Variants in UGT2A2 observed in about 807,000 individuals in gnomAD.
The protein encoded by UGT2A2 is UDP-glucuronosyltransferase 2A2.
Under a neutral mutation model 50.7 loss-of-function variants are expected in UGT2A2, and 60 were observed. That is an observed-to-expected ratio of 1.18 (90% CI 0.96 to 1.47). The LOEUF is 1.47. Ranked by LOEUF, UGT2A2 falls within the 40% of genes most tolerant of loss-of-function variation. UGT2A2 has a pLI of 0.00. For missense variants in UGT2A2, 762 were observed against 634.0 expected, an observed-to-expected ratio of 1.20 and a Z score of -2.17; for synonymous variants, 242 against 214.6, an observed-to-expected ratio of 1.13 and a Z score of -1.11.
intron 1 of UGT2A2, among the ~76,000 whole-genome samples, chr4:69,625,183 GATGAAGTATTTTT>G (rs1346075653): frequency 1.3e-5 from 2 of 150,470 alleles, no homozygotes; most frequent in East Asian, 3.9e-4. Flanking sequence ...TTCTTTGCTA[GATGAAGTATTTTT>G]TAATTTTCCT....
chr4:69,606,103 T>C (rs1047407077), intron 1 of UGT2A2, among the ~76,000 whole-genome samples: 1 of 123,154 alleles, frequency 8.1e-6, no homozygotes, highest in Admixed American at 7.8e-5. Context: ...TATCAAAGCC[T>C]GGCAGAGACA....
chr4:69,614,129 T>C (rs1720232600), intron 1 of UGT2A2, among the ~76,000 whole-genome samples: 1 of 152,024 alleles, frequency 6.6e-6, no homozygotes, highest in Non-Finnish European at 1.5e-5. Context: ...ATTCAGTAGT[T>C]CCAGGACACA....
rs1028284292 is a variant in UGT2A2, at chr4:69,589,117, A to G, written c.*255T>C. 2.8e-5 allele frequency: 9 copies of G among 325,960 alleles called. No homozygotes were observed. Among genetic ancestry groups the G allele is most frequent in the Middle Eastern group, 9.5e-4 (1 of 1,058 alleles). 20.2% of individuals were successfully genotyped at this position (325,960 alleles called of 1,614,324 possible). A position where few individuals can be genotyped will look rare whatever the true frequency, so the allele number is the denominator to read the frequency against. On this transcript the variant is annotated 3_prime_UTR_variant, in exon 6 of 6. Transcript: ENST00000604629. Reference sequence around the variant, plus strand: ...AAATTAGGTAGTATCCTTGTGTCAGAAAAGTGACAGGAAGAGGGTATAGTC... The same window carrying G: ...AAATTAGGTAGTATCCTTGTGTCAGGAAAGTGACAGGAAGAGGGTATAGTC...
intron 1 of UGT2A2, among the ~76,000 whole-genome samples, chr4:69,637,320 A>G (rs1721766199): frequency 6.6e-6 from 1 of 152,144 alleles, no homozygotes; most frequent in Non-Finnish European, 1.5e-5. Flanking sequence ...CTCTAGACAA[A>G]TTCTAAGAAA....
intron 1 of UGT2A2, among the ~76,000 whole-genome samples, chr4:69,634,408 G>T (rs1721564869): frequency 6.6e-6 from 1 of 152,044 alleles, no homozygotes; most frequent in East Asian, 1.9e-4. Flanking sequence ...CAGGGTATGA[G>T]AATTAGAGTG....
chr4:69,622,289 A>G (rs1453863434), intron 1 of UGT2A2, among the ~76,000 whole-genome samples: 1 of 151,878 alleles, frequency 6.6e-6, no homozygotes, highest in Non-Finnish European at 1.5e-5. Flanking sequence ...ATAATGTATA[A>G]CACCACAAAG....
chr4:69,625,590 G>T (rs1212930133), intron 1 of UGT2A2, among the ~76,000 whole-genome samples: 1 of 150,826 alleles, frequency 6.6e-6, no homozygotes, highest in Non-Finnish European at 1.5e-5. Context: ...TTCATCTCTG[G>T]TAGTTTAATG....
intron 1 of UGT2A2, among the ~76,000 whole-genome samples, chr4:69,618,757 C>T (rs1720561757): frequency 6.6e-6 from 1 of 151,888 alleles, no homozygotes. Flanking sequence ...CTTAAGTATA[C>T]TCCAATACCT....
At chr4:69,633,229 A>G in intron 1 of UGT2A2, among the ~76,000 whole-genome samples, 1 of 152,184 alleles carries the variant, frequency 6.6e-6, no homozygotes, top group East Asian at 1.9e-4. Context: ...CACTTTATGC[A>G]CTTTTTATCA....
chr4:69,594,007 C>A (rs1423009539), intron 5 of UGT2A2, among the ~76,000 whole-genome samples: 2 of 108,564 alleles, frequency 1.8e-5, no homozygotes, highest in Admixed American at 2.5e-4. Context: ...CTGAGTCTTG[C>A]TCTTTTGCCC....
intron 1 of UGT2A2, among the ~76,000 whole-genome samples, chr4:69,614,526 C>A (rs968809326): frequency 6.6e-6 from 1 of 151,782 alleles, no homozygotes; most frequent in Non-Finnish European, 1.5e-5. Flanking sequence ...CTATTCTGAG[C>A]AAAAAGAACA....
chr4:69,599,427 A>G (rs1271868553), intron 1 of UGT2A2, 33 bp from the exon 2 acceptor site: 2 of 1,605,992 alleles, frequency 1.2e-6, no homozygotes, highest in African/African-American at 2.7e-5. Flanking sequence ...GATGGAGGAA[A>G]TTAGCTTATA....
rs764805120 is a variant in UGT2A2, at chr4:69,639,419, GGGATT to G, written c.217_221del (p.Asn73ArgfsTer7). On this transcript the variant is annotated frameshift_variant, in exon 1 of 6. Transcript: ENST00000604629. LOFTEE classifies it high-confidence loss of function. ...TCACTTCAAAATTCACAGGAGAATC[GGGATT>G]GGAGTTGATGAATAGAGTTGCTGAT... 6.2e-7 allele frequency: 1 copy of G among 1,613,172 alleles called. No homozygotes were observed. The highest frequency in any genetic ancestry group is 8.5e-7 in the Non-Finnish European group (1 of 1,179,558).
chr4:69,601,311 G>A (rs1038979562), intron 1 of UGT2A2, among the ~76,000 whole-genome samples: 7 of 152,144 alleles, frequency 4.6e-5, no homozygotes, highest in Admixed American at 2.6e-4. Flanking sequence ...CCAGCCTCGT[G>A]TTCTTGCTCC....
chr4:69,636,868 A>T (rs548279917), intron 1 of UGT2A2, among the ~76,000 whole-genome samples: 2 of 152,298 alleles, frequency 1.3e-5, no homozygotes, highest in East Asian at 3.9e-4. Context: ...AAGAGAAAGC[A>T]CTGTGACTCT....
chr4:69,597,890 A>G (rs1325777043), intron 2 of UGT2A2, among the ~76,000 whole-genome samples: 2 of 152,138 alleles, frequency 1.3e-5, no homozygotes, highest in Admixed American at 6.6e-5. Flanking sequence ...TATTTCCCAA[A>G]GCCTATATCG....
chr4:69,609,153 A>AG lies in UGT2A2; in HGVS notation c.743-9760dup, dbSNP rs1284111668. On this transcript the variant is annotated intron_variant, in intron 1 of 5. Coordinates refer to ENST00000604629, the MANE Select transcript of UGT2A2 (RefSeq NM_001105677.2). ...GGCTCAGGCTCATCTAGAATATATA[A>AG]GATTTTTTTTTTTTTTTGACACAGC... is the stretch of plus-strand genomic sequence containing the variant. Among the ~76,000 whole-genome samples, 3 of 71,688 alleles carry AG rather than the reference A, an allele frequency of 4.2e-5. No homozygotes were observed. The East Asian group carries it at 1.1e-3, about 25-fold the overall frequency. The allele number at this position is 71,688 out of a possible 152,430, so 47.0% of individuals were successfully genotyped here. A position where few individuals can be genotyped will look rare whatever the true frequency, so the allele number is the denominator to read the frequency against.
At chr4:69,623,821 T>C (rs576911559) in intron 1 of UGT2A2, among the ~76,000 whole-genome samples, 1 of 151,468 alleles carries the variant, frequency 6.6e-6, no homozygotes, top group African/African-American at 2.4e-5. Flanking sequence ...TTAAAACAGA[T>C]TCATTTGAAA....
intron 1 of UGT2A2, among the ~76,000 whole-genome samples, chr4:69,631,052 C>T (rs118150393): frequency 6.6e-6 from 1 of 152,126 alleles, no homozygotes; most frequent in East Asian, 1.9e-4. Context: ...TTCTATTGTT[C>T]TCTTTCTTAA....
Sources: gnomAD v4.1 joint callset for allele counts (sites outside exome capture counted in the v4.1 genomes callset) on GRCh38, gnomAD v4.1.1 for gene constraint, MANE v1.5 for transcripts, NCBI Gene and HGNC (gene_info 2026-07-23, HGNC 2026-07-21) for gene names.